The following SCAP variants were observed in gnomAD, a reference collection of about 807,000 sequenced individuals.
SCAP encodes SREBF chaperone.
In SCAP, 65 loss-of-function variants were observed where a neutral mutation model predicts 123.6. The ratio of observed to expected loss-of-function variants is 0.53; its 90% CI spans 0.43 to 0.65. SCAP has a LOEUF of 0.65. SCAP is among the 30% of genes least tolerant of loss of function. The probability of loss-of-function intolerance (pLI) is 0.00; values close to 1 mark genes in which losing one functional copy is unlikely to be tolerated. For missense variants in SCAP, 1,398 were observed against 1,712.5 expected (o/e 0.82, Z 3.24); for synonymous variants, 740 against 726.3 (o/e 1.02, Z -0.30).
At position 47,442,945 on chromosome 3, in the gene SCAP, T is replaced by C; in HGVS notation, c.49A>G (p.Asn17Asp). The C allele has an allele frequency of 6.2e-7, 1 of 1,614,136 alleles. No individual in the cohort carries two copies. Among genetic ancestry groups the C allele is most frequent in the Non-Finnish European group, 8.5e-7 (1 of 1,180,024 alleles). Residue 17 changes from asparagine to aspartate, a missense_variant, in exon 2 of 23, where the codon AAC becomes GAC. By Grantham distance (23) the Asn-to-Asp change is conservative. Around this residue, in one of 7 missense-constraint regions of SCAP, gnomAD observed 319 missense variants for 432.4 expected, o/e 0.74. Transcript: ENST00000265565. ...LREKISRAFY[N>D]HGLLCASYPI... Reference sequence around the variant, plus strand: ...TAGGATGCACAGAGGAGCCCATGGTTGTAGAAGGCCCGAGATATCTTCTCA... The same window carrying C: ...TAGGATGCACAGAGGAGCCCATGGTCGTAGAAGGCCCGAGATATCTTCTCA...
At chr3:47,475,564 G>C (rs1393113458) in intron 1 of SCAP, 2 of 152,120 alleles carry the variant, frequency 1.3e-5, no homozygotes, top group African/African-American at 4.8e-5. Flanking sequence ...TGGTGGGGAC[G>C]CGGAGCTCCA....
Position 47,420,614 on chromosome 3 carries a change from G to T in SCAP, c.1503C>A (p.Pro501=), listed in dbSNP as rs1191464135. The T allele has an allele frequency of 6.2e-7, 1 of 1,612,096 alleles. No individual in the cohort carries two copies. The highest frequency in any genetic ancestry group is 1.3e-5 in the African/African-American group (1 of 74,850). Residue 501 remains proline (P), a synonymous_variant, in exon 12 of 23, where the codon CCC becomes CCA. Coordinates refer to ENST00000265565, the MANE Select transcript of SCAP (RefSeq NM_012235.4). This position sits in a 1 kb window ranked among gnomAD's most constrained non-coding sequence, Gnocchi z 5.0. ...GGAAGTAGACAACACGCAGCCTCTT[G>T]GGGAGCCGCAGGTTTCGGAAGGAAG... is the stretch of plus-strand genomic sequence containing the variant. ...QPSSFRNLRL[P]KRLRVVYFLA... is the part of the protein sequence containing the mutation.
At chr3:47,424,287 A>G (rs1706029350) in intron 8 of SCAP, among the ~76,000 whole-genome samples, 1 of 152,206 alleles carries the variant, frequency 6.6e-6, no homozygotes, top group Non-Finnish European at 1.5e-5. Flanking sequence ...GTCTCTAGCC[A>G]TCCAGCACAG....
At chr3:47,425,384 T>A in intron 8 of SCAP, 101 bp downstream of exon 8, 1 of 1,282,798 alleles carries the variant, frequency 7.8e-7, no homozygotes, top group Non-Finnish European at 1.1e-6. Context: ...TGTGAAGACG[T>A]GAGGTCACAG....
intron 1 of SCAP, among the ~76,000 whole-genome samples, chr3:47,446,775 A>T (rs75911038): frequency 7.0e-6 from 1 of 142,796 alleles, no homozygotes; most frequent in East Asian, 2.0e-4. Context: ...GTGTCTTTAC[A>T]AAAAAAAAAA....
intron 1 of SCAP, among the ~76,000 whole-genome samples, chr3:47,446,375 G>A (rs1707042428): frequency 6.6e-6 from 1 of 151,910 alleles, no homozygotes; most frequent in Non-Finnish European, 1.5e-5. Flanking sequence ...GTTTCACTAT[G>A]TTGGCCAGGC....
intron 4 of SCAP, 104 bp from the exon 5 acceptor site, chr3:47,427,771 GCT>G (rs1383312470): frequency 1.3e-5 from 13 of 1,023,954 alleles, no homozygotes; most frequent in Admixed American, 1.2e-4. Context: ...CCCCATATTT[GCT>G]CTCTGGTATC....
chr3:47,428,613 G>A lies in SCAP; in HGVS notation c.310C>T (p.Pro104Ser), dbSNP rs769375384. 1 of 1,614,042 alleles carries A rather than the reference G, an allele frequency of 6.2e-7. No individual in the cohort carries two copies. The highest frequency in any genetic ancestry group is 1.3e-5 in the African/African-American group (1 of 74,912). The change falls in exon 4 of 23, where the codon CCC becomes TCC. Residue 104 changes from proline to serine, a missense_variant. Physicochemically the swap from Pro to Ser is moderately conservative, Grantham distance 74 (BLOSUM62 -1). This residue lies in a region of SCAP where 319 missense variants were observed against 432.4 expected (regional missense o/e 0.74). Transcript: ENST00000265565. ...ACTGCCAGGAGGTTCTTGTGCCAGG[G>A]AAACACTGAGGACTTCACAAATATC... The part of the protein sequence containing the change: ...QQIFVKSSVF[P>S]WHKNLLAVDV...
At chr3:47,415,566 G>A (rs1199770977) in intron 18 of SCAP, among the ~76,000 whole-genome samples, 4 of 152,166 alleles carry the variant, frequency 2.6e-5, no homozygotes, top group Admixed American at 2.0e-4. Flanking sequence ...GGTGGGCTAT[G>A]TTGGGTGTTG....
chr3:47,418,388 C>T lies in SCAP; in HGVS notation c.2264G>A (p.Cys755Tyr). 1.3e-6 allele frequency: 2 copies of T among 1,575,142 alleles called. No homozygotes were observed. Among genetic ancestry groups the T allele is most frequent in the Non-Finnish European group, 8.6e-7 (1 of 1,163,946 alleles). ...GGGTGGCGCATAGCCGTAGTCGTCG[C>T]AGGGCAGCTCCCCGCGCCTCCGCCG... ...PGRRRRGELP[C>Y]DDYGYAPPET... The change falls in exon 15 of 23, where the codon TGC (cysteine) becomes TAC (tyrosine). Residue 755 changes from cysteine (C) to tyrosine (Y), a missense_variant. Coordinates refer to ENST00000265565, the MANE Select transcript of SCAP (RefSeq NM_012235.4).
At chr3:47,454,114 T>A (rs1363588161) in intron 1 of SCAP, among the ~76,000 whole-genome samples, 1 of 152,176 alleles carries the variant, frequency 6.6e-6, no homozygotes, top group Non-Finnish European at 1.5e-5. Flanking sequence ...ATGCCTGTAA[T>A]CCCAGCACTT....
At chr3:47,446,545 GTTTTC>G (rs1299898362) in intron 1 of SCAP, among the ~76,000 whole-genome samples, 5 of 151,292 alleles carry the variant, frequency 3.3e-5, no homozygotes, top group East Asian at 1.9e-4. Context: ...TTTTCTTTTT[GTTTTC>G]TTTTGAGTAT....
intron 1 of SCAP, among the ~76,000 whole-genome samples, chr3:47,458,909 G>A (rs1156864241): frequency 2.6e-5 from 4 of 152,200 alleles, no homozygotes; most frequent in East Asian, 1.9e-4. Context: ...GGGTTCAAGC[G>A]ATTCTCTTGC....
At chr3:47,468,387 T>C (rs1182715739) in intron 1 of SCAP, among the ~76,000 whole-genome samples, 1 of 152,188 alleles carries the variant, frequency 6.6e-6, no homozygotes, top group East Asian at 1.9e-4. Flanking sequence ...ACCTGTTGTT[T>C]CCTGACTTTT....
Position 47,420,072 on chromosome 3 carries a change from C to T in SCAP, c.1564-368G>A, listed in dbSNP as rs1210265639. ...CAGCAACCTGACCTGCTCCAGAGTC[C>T]CCCAGAGGTCCTAGTCCCAGGGGGC... On this transcript the variant is annotated intron_variant, in intron 12 of 22. Coordinates refer to ENST00000265565, the MANE Select transcript of SCAP (RefSeq NM_012235.4). This position sits in a 1 kb window ranked among gnomAD's most constrained non-coding sequence, Gnocchi z 5.0. Among the ~76,000 whole-genome samples the T allele has an allele frequency of 6.6e-6, 1 of 152,190 alleles. No individual in the cohort carries two copies. The highest frequency in any genetic ancestry group is 2.4e-5 in the African/African-American group (1 of 41,446).
rs994266248 is a variant in SCAP at position 47,417,664 on chromosome 3, C to T, written c.2610G>A (p.Gln870=). ...TGTCAATTAAGCAGGTGAGGTCAGG[C>T]TGGTCCCCGAAGAGGGAAGGCGGCG... ...GPPPPSLFGD[Q]PDLTCLIDTN... The change falls in exon 17 of 23, where the codon CAG becomes CAA. Residue 870 remains glutamine (Q), a synonymous_variant. Transcript: ENST00000265565. The T allele has an allele frequency of 6.2e-7, 1 of 1,608,542 alleles. No individual in the cohort carries two copies. Among genetic ancestry groups the T allele is most frequent in the Non-Finnish European group, 8.5e-7 (1 of 1,178,534 alleles).
At chr3:47,430,459 T>C (rs766266902) in intron 3 of SCAP, among the ~76,000 whole-genome samples, 58 of 151,536 alleles carry the variant, frequency 3.8e-4, no homozygotes, top group Non-Finnish European at 5.2e-4. Context: ...AGCCATAAGG[T>C]TAGAAAAGAA....
At chr3:47,447,351 C>A (rs1707082469) in intron 1 of SCAP, among the ~76,000 whole-genome samples, 1 of 151,802 alleles carries the variant, frequency 6.6e-6, no homozygotes. Flanking sequence ...CAAGATCACG[C>A]CACTGCACTC....
At chr3:47,440,451 A>T (rs1706749586) in intron 2 of SCAP, among the ~76,000 whole-genome samples, 1 of 152,106 alleles carries the variant, frequency 6.6e-6, no homozygotes, top group African/African-American at 2.4e-5. Context: ...GAGAGACTTC[A>T]CCCAGCCTTG....
Sources: allele counts gnomAD v4.1 joint callset (sites outside exome capture counted in the v4.1 genomes callset), GRCh38; gene constraint gnomAD v4.1.1; regional missense constraint gnomAD v4.1.1; non-coding constraint Gnocchi (gnomAD v3.1); transcripts MANE v1.5; gene names NCBI Gene and HGNC (gene_info 2026-07-23, HGNC 2026-07-21).